ABCF3: variants seen among roughly 807,000 people sequenced by gnomAD.
ABCF3 encodes ATP-binding cassette sub-family F member 3.
A neutral mutation model predicts 94.3 loss-of-function variants in ABCF3; 62 were observed. The observed-to-expected ratio is 0.66, with a 90% CI of 0.54 to 0.81. ABCF3 has a LOEUF of 0.81. Among genes scored for constraint, ABCF3 ranks in the 40% least tolerant of loss-of-function variants. The pLI is 0.00. For synonymous variants in ABCF3, 355 were observed against 361.1 expected (o/e 0.98, Z 0.19); for missense variants, 843 against 925.3 (o/e 0.91, Z 1.15).
chr3:184,193,516 A>AT lies in ABCF3; in HGVS notation c.1972-24_1972-23insT. 1 of 1,613,402 alleles carries AT rather than the reference A, an allele frequency of 6.2e-7. No homozygotes were observed. Among genetic ancestry groups the AT allele is most frequent in the Non-Finnish European group, 8.5e-7 (1 of 1,179,802 alleles). The stretch of plus-strand genomic sequence containing the variant: ...CGGTGCCTCTTGTGTCCCCCTGAGC[A>AT]CCTCCTGCCCTCCTGTCTTTCAGGG... On this transcript the variant is annotated intron_variant, in intron 20 of 20. Transcript: ENST00000429586. The surrounding 1 kb of genome is among the most constrained non-coding windows in gnomAD (Gnocchi z 5.2).
intron 14 of ABCF3, chr3:184,190,284 G>A (rs1007990438): frequency 5.2e-5 from 16 of 305,526 alleles, no homozygotes; most frequent in African/African-American, 2.8e-4. Flanking sequence ...ATTTCTTTTC[G>A]TGGCTGGATA....
rs1715842975 is a variant in ABCF3 at position 184,189,108 on chromosome 3, G to A, written c.998G>A (p.Arg333Lys). 3 of 1,614,212 alleles carry A rather than the reference G, an allele frequency of 1.9e-6. No individual in the cohort carries two copies. The highest frequency in any genetic ancestry group is 2.5e-6 in the Non-Finnish European group (3 of 1,180,050). Reference sequence around the variant, plus strand: ...TTTAGGGAGTTCTCAGGTGGCTGGAGGATGAGGCTGGCCCTGGCCCGGGCC... The same window carrying A: ...TTTAGGGAGTTCTCAGGTGGCTGGAAGATGAGGCTGGCCCTGGCCCGGGCC... ...QPTREFSGGW[R>K]MRLALARALF... The change falls in exon 10 of 21, where the codon AGG becomes AAG. Residue 333 changes from arginine (R) to lysine (K), a missense_variant. Coordinates refer to ENST00000429586, the MANE Select transcript of ABCF3 (RefSeq NM_018358.3).
At chr3:184,186,909 C>T in intron 3 of ABCF3, 34 bp downstream of exon 3, 1 of 1,596,216 alleles carries the variant, frequency 6.3e-7, no homozygotes, top group Non-Finnish European at 8.6e-7. Flanking sequence ...TAACTGCCCC[C>T]CTGTGCTTTT....
chr3:184,189,743 C>T lies in ABCF3; in HGVS notation c.1300C>T (p.Arg434Cys). The change falls in exon 13 of 21, where the codon CGC becomes TGC. Residue 434 changes from arginine to cysteine, a missense_variant. Arg to Cys is a radical substitution (Grantham distance 180). Coordinates refer to ENST00000429586, the MANE Select transcript of ABCF3 (RefSeq NM_018358.3). ...QREYEAQQQY[R>C]QHIQVFIDRF... ...TGAATATGAGGCGCAGCAGCAGTATCGCCAGCACATCCAGGTGTGGGGCCT... is the reference window on the plus strand; with the variant it reads ...TGAATATGAGGCGCAGCAGCAGTATTGCCAGCACATCCAGGTGTGGGGCCT... 1.2e-6 allele frequency: 2 copies of T among 1,613,936 alleles called. No individual in the cohort carries two copies. The highest frequency in any genetic ancestry group is 2.2e-5 in the South Asian group (2 of 91,070).
chr3:184,188,747 T>C lies in ABCF3; in HGVS notation c.837-14T>C. 1 of 1,613,538 alleles carries C rather than the reference T, an allele frequency of 6.2e-7. No homozygotes were observed. The highest frequency in any genetic ancestry group is 8.5e-7 in the Non-Finnish European group (1 of 1,179,638). ...GCCCCTGCTTAGGCCAATTGCTGTT[T>C]CTCCTCCCTCCAGGGCGGAGGGCTC... On this transcript the variant is annotated splice_polypyrimidine_tract_variant and intron_variant, in intron 7 of 20. Coordinates refer to ENST00000429586, the MANE Select transcript of ABCF3 (RefSeq NM_018358.3).
Position 184,187,971 on chromosome 3 carries a change from C to T in ABCF3, c.557C>T (p.Ser186Phe), listed in dbSNP as rs753152768. 1.9e-6 allele frequency: 3 copies of T among 1,613,844 alleles called. No individual in the cohort carries two copies. Among genetic ancestry groups the T allele is most frequent in the South Asian group, 2.2e-5 (2 of 91,092 alleles). The part of the protein sequence containing the change: ...YDVRIENFDV[S>F]FGDRVLLAGA... ...GTGCGAATTGAGAACTTTGATGTGT[C>T]TTTTGGCGATAGGTGAGGGAATAGT... The change falls in exon 6 of 21, where the codon TCT (serine) becomes TTT (phenylalanine). Residue 186 changes from serine to phenylalanine, a missense_variant. Physicochemically the swap from Ser to Phe is radical, Grantham distance 155 (BLOSUM62 -2). Transcript: ENST00000429586.
In ABCF3 at chr3:184,193,220, G is replaced by T; in HGVS notation, c.1869G>T (p.Gln623His). Residue 623 changes from glutamine (Q) to histidine (H), a missense_variant, in exon 19 of 21, where the codon CAG becomes CAT. Physicochemically the swap from Gln to His is conservative, Grantham distance 24 (BLOSUM62 0). Coordinates refer to ENST00000429586, the MANE Select transcript of ABCF3 (RefSeq NM_018358.3). The surrounding 1 kb of genome is among the most constrained non-coding windows in gnomAD (Gnocchi z 5.2). ...GGQKSRVAFA[Q>H]MTMPCPNFYI... ...AGAAGAGCCGAGTGGCCTTTGCTCA[G>T]ATGACTATGCCCTGGTGAGGCCTCA... is the stretch of plus-strand genomic sequence containing the variant. The T allele has an allele frequency of 6.4e-7, 1 of 1,565,640 alleles. No individual in the cohort carries two copies. Among genetic ancestry groups the T allele is most frequent in the Non-Finnish European group, 8.6e-7 (1 of 1,156,506 alleles).
Position 184,189,942 on chromosome 3 carries a change from C to T in ABCF3, c.1391+11C>T, listed in dbSNP as rs1452118482. ...GATGCTGGAGAAGCTGTGAGTACAG[C>T]ATCCTTGGCCAGGGCCTGACTCCTG... is the stretch of plus-strand genomic sequence containing the variant. On this transcript the variant is annotated intron_variant, in intron 14 of 20. Transcript: ENST00000429586. The T allele has an allele frequency of 6.2e-7, 1 of 1,614,000 alleles. No homozygotes were observed. Among genetic ancestry groups the T allele is most frequent in the African/African-American group, 1.3e-5 (1 of 75,058 alleles).
At chr3:184,192,758 G>T in intron 17 of ABCF3, 47 bp from the exon 18 acceptor site, 1 of 1,611,174 alleles carries the variant, frequency 6.2e-7, no homozygotes, top group South Asian at 1.1e-5. Context: ...GCGCTCCTTC[G>T]TGGCCATTGC....
chr3:184,189,503 G>T (rs992071661), intron 12 of ABCF3, 54 bp from the exon 13 acceptor site: 1 of 1,613,730 alleles, frequency 6.2e-7, no homozygotes, highest in Non-Finnish European at 8.5e-7. Flanking sequence ...ATACCTGGGG[G>T]CCTGAGAACT....
At chr3:184,191,976 C>A (rs1560136541) in intron 16 of ABCF3, among the ~76,000 whole-genome samples, 1 of 152,030 alleles carries the variant, frequency 6.6e-6, no homozygotes, top group Admixed American at 6.5e-5. Context: ...AAACTCCTGA[C>A]CTCAAATGAT....
rs1351901670 is a variant in ABCF3 at position 184,190,989 on chromosome 3, C to T, written c.1392-10C>T. On this transcript the variant is annotated splice_polypyrimidine_tract_variant and intron_variant, in intron 14 of 20. Coordinates refer to ENST00000429586, the MANE Select transcript of ABCF3 (RefSeq NM_018358.3). ...GTAATAAATCTAGTCTACCTCATCT[C>T]TTCTCCCAGGCCTGAGCTGAAGCCT... 45 of 1,613,908 alleles carry T rather than the reference C, an allele frequency of 2.8e-5. No homozygotes were observed. The highest frequency in any genetic ancestry group is 3.7e-5 in the Non-Finnish European group (44 of 1,179,988).
intron 3 of ABCF3, 48 bp from the exon 4 acceptor site, chr3:184,187,349 T>C: frequency 6.2e-7 from 1 of 1,612,326 alleles, no homozygotes; most frequent in South Asian, 1.1e-5. Flanking sequence ...AAAATGTTAG[T>C]TTCCCTTCCC....
chr3:184,186,302 G>A lies in ABCF3; in HGVS notation c.73+22G>A, dbSNP rs776764035. On this transcript the variant is annotated intron_variant, in intron 1 of 20. Transcript: ENST00000429586. Reference sequence around the variant, plus strand: ...ACCGGTAAGCAGAACTGAATCGGCCGGCTGGGGAGACCGAAGTGGAGGCCG... The same window carrying A: ...ACCGGTAAGCAGAACTGAATCGGCCAGCTGGGGAGACCGAAGTGGAGGCCG... 5.6e-6 allele frequency: 9 copies of A among 1,613,814 alleles called. No homozygotes were observed. The South Asian group carries it at 8.8e-5, about 16-fold the overall frequency.
At chr3:184,190,644 G>A (rs1478793612) in intron 14 of ABCF3, 3 of 211,784 alleles carry the variant, frequency 1.4e-5, no homozygotes, top group African/African-American at 2.3e-5. Context: ...TGGCTGTGAA[G>A]TGATAGCTCA....
At position 184,191,060 on chromosome 3, in the gene ABCF3, T is replaced by A. The variant is rs1715989110; in HGVS notation, c.1436+17T>A. 6.2e-7 allele frequency: 1 copy of A among 1,614,192 alleles called. No individual in the cohort carries two copies. Among genetic ancestry groups the A allele is most frequent in the Non-Finnish European group, 8.5e-7 (1 of 1,180,030 alleles). On this transcript the variant is annotated intron_variant, in intron 15 of 20. Coordinates refer to ENST00000429586, the MANE Select transcript of ABCF3 (RefSeq NM_018358.3). The stretch of plus-strand genomic sequence containing the variant: ...CGTAATGAAGTAAGTGCTGGGCCAG[T>A]GGGGCTGGTGGGGAATTGCTTGCTT...
intron 13 of ABCF3, 47 bp from the exon 14 acceptor site, chr3:184,189,808 G>A (rs1185674260): frequency 1.2e-6 from 2 of 1,614,064 alleles, no homozygotes; most frequent in South Asian, 1.1e-5. Context: ...TCCAGAGTGG[G>A]GGATAGTGGG....
chr3:184,188,319 G>A lies in ABCF3; in HGVS notation c.748G>A (p.Ala250Thr), dbSNP rs548656680. ...EQEVAGDDTP[A>T]LQSVLESDSV... ...AGAGGTTGCTGGAGATGACACTCCTGCCCTGCAGAGTGTGCTGGAGAGTGA... is the reference window on the plus strand; with the variant it reads ...AGAGGTTGCTGGAGATGACACTCCTACCCTGCAGAGTGTGCTGGAGAGTGA... The change falls in exon 7 of 21, where the codon GCC becomes ACC. Residue 250 changes from alanine to threonine, a missense_variant. By Grantham distance (58) the Ala-to-Thr change is moderately conservative. Transcript: ENST00000429586. The A allele has an allele frequency of 3.7e-6, 6 of 1,614,098 alleles. No individual in the cohort carries two copies. The Admixed American group carries it at 1.0e-4, about 27-fold the overall frequency.
chr3:184,190,770 T>C, intron 14 of ABCF3: 1 of 530,106 alleles, frequency 1.9e-6, no homozygotes, highest in Non-Finnish European at 3.3e-6. Flanking sequence ...AAAGCTTAGA[T>C]GTTTGCGACG....
Sources: allele counts gnomAD v4.1 joint callset (sites outside exome capture counted in the v4.1 genomes callset), GRCh38; gene constraint gnomAD v4.1.1; non-coding constraint Gnocchi (gnomAD v3.1); transcripts MANE v1.5; gene names NCBI Gene and HGNC (gene_info 2026-07-23, HGNC 2026-07-21).